The following SCD5 variants were observed in gnomAD, a reference collection of about 807,000 sequenced individuals.
The protein encoded by SCD5 is stearoyl-CoA desaturase 5.
SCD5 carries 20 observed loss-of-function variants against 30.4 expected under a neutral mutation model. The observed-to-expected ratio is 0.66, with a 90% CI of 0.46 to 0.96. SCD5 has a LOEUF of 0.96. Ranked by LOEUF, SCD5 falls within the 40% of genes least tolerant of loss-of-function variation. SCD5 has a pLI of 0.00. For missense variants in SCD5, 381 were observed against 443.3 expected, an observed-to-expected ratio of 0.86 and a Z score of 1.26; for synonymous variants, 173 against 176.4, an observed-to-expected ratio of 0.98 and a Z score of 0.16.
intron 2 of SCD5, among the ~76,000 whole-genome samples, chr4:82,686,156 C>T (rs1728699578): frequency 6.6e-6 from 1 of 152,138 alleles, no homozygotes; most frequent in Non-Finnish European, 1.5e-5. Context: ...CAGGCACATG[C>T]CACTATGCCC....
intron 1 of SCD5, among the ~76,000 whole-genome samples, chr4:82,713,217 T>G (rs914974848): frequency 6.6e-6 from 1 of 152,230 alleles, no homozygotes; most frequent in African/African-American, 2.4e-5. Context: ...TCATGCCTTT[T>G]ATACATATTG....
At chr4:82,705,134 A>T (rs1719940902) in intron 2 of SCD5, 149 bp downstream of exon 2, 1 of 963,924 alleles carries the variant, frequency 1.0e-6, no homozygotes, top group Admixed American at 2.6e-5. Flanking sequence ...AGCTACAAAG[A>T]GATAAAAACT....
chr4:82,734,350 A>G (rs1285381039), intron 1 of SCD5, among the ~76,000 whole-genome samples: 1 of 152,234 alleles, frequency 6.6e-6, no homozygotes, highest in Non-Finnish European at 1.5e-5. Flanking sequence ...CTGTCATCGG[A>G]TGAGCCAACC....
At chr4:82,663,403 G>C (rs1728064921) in intron 3 of SCD5, among the ~76,000 whole-genome samples, 1 of 152,186 alleles carries the variant, frequency 6.6e-6, no homozygotes, top group African/African-American at 2.4e-5. Context: ...TCACAAGGAA[G>C]GTTGGGGACA....
At chr4:82,798,273 G>T (rs1353574164) in intron 1 of SCD5, 33 bp downstream of exon 1, 1 of 1,532,682 alleles carries the variant, frequency 6.5e-7, no homozygotes, top group Admixed American at 2.0e-5. Flanking sequence ...TGGCCACGGA[G>T]GCCGGGGCGC....
chr4:82,658,630 CTTTTTTTT>C (rs57727794), intron 3 of SCD5, among the ~76,000 whole-genome samples: 1,436 of 116,928 alleles, frequency 0.012, 32 homozygotes, highest in African/African-American at 0.038. Flanking sequence ...CCACACCTGG[CTTTTTTTT>C]TTTTTTTTTT....
At chr4:82,670,627 A>G (rs1162634992) in intron 3 of SCD5, among the ~76,000 whole-genome samples, 1 of 152,048 alleles carries the variant, frequency 6.6e-6, no homozygotes, top group Non-Finnish European at 1.5e-5. Flanking sequence ...ATCAATTGAT[A>G]TGGAATATCA....
At chr4:82,661,071 C>T in intron 3 of SCD5, 1 of 1,613,008 alleles carries the variant, frequency 6.2e-7, no homozygotes. Context: ...TCTGGATGTG[C>T]TGTGTACTGA....
At chr4:82,665,078 T>A (rs2903822) in intron 3 of SCD5, among the ~76,000 whole-genome samples, 313 of 2,772 alleles carry the variant, frequency 0.11, 10 homozygotes, top group African/African-American at 0.23. Context: ...ATATATATAT[T>A]TTTTTTTTAA....
At chr4:82,712,281 T>C (rs1234164769) in intron 1 of SCD5, among the ~76,000 whole-genome samples, 17 of 50,270 alleles carry the variant, frequency 3.4e-4, no homozygotes, top group African/African-American at 5.5e-4. Context: ...TATATATATA[T>C]ATATATATAT....
intron 4 of SCD5, among the ~76,000 whole-genome samples, chr4:82,633,704 G>A (rs1285165543): frequency 1.3e-5 from 2 of 151,998 alleles, no homozygotes; most frequent in African/African-American, 4.8e-5. Flanking sequence ...ATCTCATTGT[G>A]GTTTTAATTT....
intron 3 of SCD5, among the ~76,000 whole-genome samples, chr4:82,679,211 A>AAG (rs1553915586): frequency 0.04 from 3,269 of 81,492 alleles, 364 homozygotes; most frequent in African/African-American, 0.14. Flanking sequence ...AAAAAAAAAA[A>AAG]AAAGAAAGAA....
intron 1 of SCD5, among the ~76,000 whole-genome samples, chr4:82,732,857 C>T (rs553554719): frequency 6.6e-6 from 1 of 152,282 alleles, no homozygotes; most frequent in South Asian, 2.1e-4. Flanking sequence ...CCAGATCCTC[C>T]ACCTCAGTGG....
At chr4:82,795,209 C>T (rs1202503280) in intron 1 of SCD5, among the ~76,000 whole-genome samples, 1 of 152,204 alleles carries the variant, frequency 6.6e-6, no homozygotes, top group African/African-American at 2.4e-5. Context: ...TGCATAGATG[C>T]CTCTTGTTTC....
chr4:82,732,947 T>C (rs1040604010), intron 1 of SCD5, among the ~76,000 whole-genome samples: 3 of 152,048 alleles, frequency 2.0e-5, no homozygotes, highest in African/African-American at 7.3e-5. Context: ...TCACTACCAG[T>C]CTAGTAGAAA....
intron 1 of SCD5, among the ~76,000 whole-genome samples, chr4:82,746,517 C>A (rs960936115): frequency 6.6e-6 from 1 of 152,112 alleles, no homozygotes; most frequent in African/African-American, 2.4e-5. Context: ...TCAGATCAAT[C>A]AGGTTCTTGT....
chr4:82,791,615 T>A lies in SCD5; in HGVS notation c.232+6691A>T, dbSNP rs956835176. ...ACTCTGTGCTGGCTTCCAGGCAAGC[T>A]CCTTACTGCATTCATTTGATTCCAG... is the stretch of plus-strand genomic sequence containing the variant. On this transcript the variant is annotated intron_variant, in intron 1 of 4. Coordinates refer to ENST00000319540, the MANE Select transcript of SCD5 (RefSeq NM_001037582.3). Among the ~76,000 whole-genome samples the A allele has an allele frequency of 4.6e-5, 7 of 152,174 alleles. No individual in the cohort carries two copies. The East Asian group carries it at 1.3e-3, about 29-fold the overall frequency.
intron 3 of SCD5, chr4:82,660,636 A>G: frequency 7.3e-7 from 1 of 1,374,078 alleles, no homozygotes; most frequent in Non-Finnish European, 9.4e-7. Flanking sequence ...TAGATGTGGA[A>G]ATAGAATCTC....
chr4:82,763,954 A>G (rs1257579930), intron 1 of SCD5, among the ~76,000 whole-genome samples: 1 of 152,194 alleles, frequency 6.6e-6, no homozygotes, highest in African/African-American at 2.4e-5. Context: ...TGATATTAAT[A>G]GAGCCACTCC....
Sources: allele counts gnomAD v4.1 joint callset (sites outside exome capture counted in the v4.1 genomes callset), GRCh38; gene constraint gnomAD v4.1.1; transcripts MANE v1.5; gene names NCBI Gene and HGNC (gene_info 2026-07-23, HGNC 2026-07-21).